Variants in DNASE1 observed in about 807,000 individuals in gnomAD.
The protein encoded by DNASE1 is deoxyribonuclease 1.
DNASE1 carries 40 observed loss-of-function variants against 33.9 expected under a neutral mutation model. That is an observed-to-expected ratio of 1.18 (90% CI 0.92 to 1.54). The LOEUF (loss-of-function observed/expected upper bound fraction) is 1.54, where lower values mean the gene tolerates loss of function less well. Among genes scored for constraint, DNASE1 ranks in the 40% most tolerant of loss-of-function variants. The pLI, the probability that DNASE1 is intolerant of heterozygous loss-of-function variation, is 0.00. For synonymous variants in DNASE1, 216 were observed against 160.0 expected, an observed-to-expected ratio of 1.35 and a Z score of -2.64; for missense variants, 518 against 372.6, an observed-to-expected ratio of 1.39 and a Z score of -3.21.
intron 1 of DNASE1, among the ~76,000 whole-genome samples, chr16:3,618,883 T>C (rs1203442447): frequency 6.6e-6 from 1 of 152,118 alleles, no homozygotes; most frequent in African/African-American, 2.4e-5. Context: ...AGTGACAAGG[T>C]CTCATTTCTG....
chr16:3,617,181 C>T (rs1202142656), intron 1 of DNASE1, among the ~76,000 whole-genome samples: 1 of 151,674 alleles, frequency 6.6e-6, no homozygotes, highest in African/African-American at 2.4e-5. Context: ...ACAAAATTAG[C>T]AGGGCGTGGT....
At chr16:3,641,040 C>G (rs1159705032), upstream of DNASE1, 3 of 398,188 alleles carry the variant, frequency 7.5e-6, no homozygotes, top group Admixed American at 1.3e-4. Flanking sequence ...CAGCACCAAG[C>G]TAGACTCATC....
At chr16:3,612,542 C>T (rs1267766854) in intron 1 of DNASE1, among the ~76,000 whole-genome samples, 1 of 138,012 alleles carries the variant, frequency 7.2e-6, no homozygotes, top group Admixed American at 7.7e-5. Context: ...TGAGCCACCG[C>T]TCACGGCTTT....
At chr16:3,663,418 G>A in exon 10 of DNASE1, 1 of 1,614,076 alleles carries the variant, frequency 6.2e-7, no homozygotes, top group Non-Finnish European at 8.5e-7. Flanking sequence ...AGCAGGGGAT[G>A]CCGACCTGGG....
upstream of DNASE1, chr16:3,653,575 G>A (rs111733271): frequency 0.022 from 3,327 of 152,084 alleles, 53 homozygotes; most frequent in Middle Eastern, 0.04. Context: ...TTGGGAGGCC[G>A]AGGCAGGCGG....
chr16:3,656,023 T>G, intron 3 of DNASE1, 79 bp from the exon 4 acceptor site: 1 of 1,610,074 alleles, frequency 6.2e-7, no homozygotes, highest in African/African-American at 1.3e-5. Flanking sequence ...GGTGGGGACC[T>G]GGGCACAGCC....
chr16:3,656,780 G>A, intron 5 of DNASE1, 27 bp downstream of exon 5: 2 of 1,577,156 alleles, frequency 1.3e-6, no homozygotes, highest in Non-Finnish European at 1.7e-6. Context: ...CCAGGGTGGG[G>A]CTCGGCTTGG....
Position 3,657,937 on chromosome 16 carries a change from A to C in DNASE1, c.833A>C (p.Glu278Ala), listed in dbSNP as rs566266065. ...AQAISDHYPV[E>A]VMLK ...GCCATCAGTGACCACTATCCAGTGG[A>C]GGTGATGCTGAAGTGAGCAGCCCCT... The change falls in exon 9 of 9, where the codon GAG becomes GCG. Residue 278 changes from glutamate (E) to alanine (A), a missense_variant. Physicochemically the swap from Glu to Ala is moderately radical, Grantham distance 107 (BLOSUM62 -1). Coordinates refer to ENST00000246949, the MANE Select transcript of DNASE1 (RefSeq NM_005223.4). 3 of 1,613,944 alleles carry C rather than the reference A, an allele frequency of 1.9e-6. No individual in the cohort carries two copies. In the South Asian group the frequency reaches 3.3e-5, roughly 18 times the overall value.
Position 3,617,326 on chromosome 16 carries a change from C to CAAAAAAAAAA in DNASE1, c.-1359+5338_-1359+5347dup, listed in dbSNP as rs56670885. 8.3e-4 allele frequency among the ~76,000 whole-genome samples: 48 copies of CAAAAAAAAAA among 57,702 alleles called. 1 individual carries two copies. The highest frequency in any genetic ancestry group is 2.0e-3 in the East Asian group (4 of 2,044). The allele number at this position is 57,702 out of a possible 152,430, so 37.9% of individuals were successfully genotyped here. On this transcript the variant is annotated intron_variant and NMD_transcript_variant, in intron 1 of 11. Transcript: ENST00000570769. ...AGTCAACAAGAGCGAAACTCCATCT[C>CAAAAAAAAAA]AAAAAAAAAAAAAAAAAAAAAAAAA... is the stretch of plus-strand genomic sequence containing the variant.
chr16:3,665,248 G>C (rs1158674353), exon 10 of DNASE1: 1 of 152,222 alleles, frequency 6.6e-6, no homozygotes, highest in African/African-American at 2.4e-5. Context: ...GCCTCCTTGG[G>C]ACCCCACACA....
intron 1 of DNASE1, among the ~76,000 whole-genome samples, chr16:3,643,742 A>AT (rs1414390404): frequency 6.6e-6 from 1 of 152,064 alleles, no homozygotes; most frequent in African/African-American, 2.4e-5. Flanking sequence ...CATCTGTTTT[A>AT]TTTTTTTATT....
At chr16:3,658,192 G>A (rs1059857), downstream of DNASE1, 86,600 of 1,613,652 alleles carry the variant, frequency 0.054, 3,442 homozygotes, top group African/African-American at 0.19. Context: ...CCCTAGGGTC[G>A]TCAACAAGTC....
exon 10 of DNASE1, chr16:3,664,316 C>T (rs1019782498): frequency 1.2e-6 from 2 of 1,611,866 alleles, no homozygotes; most frequent in Non-Finnish European, 1.7e-6. Flanking sequence ...AGGGTGAGTG[C>T]TCTGCCAGGT....
chr16:3,619,679 A>G (rs114510850), intron 1 of DNASE1, among the ~76,000 whole-genome samples: 2,599 of 151,496 alleles, frequency 0.017, 75 homozygotes, highest in African/African-American at 0.059. Context: ...GTAATTAAAA[A>G]AAAAATTTTT....
downstream of DNASE1, chr16:3,661,849 ATACAGCTCCT>A (rs1207517107): frequency 1.7e-6 from 2 of 1,185,484 alleles, no homozygotes; most frequent in Non-Finnish European, 2.3e-6. Flanking sequence ...CCTAAACTGC[ATACAGCTCCT>A]TATAGTTACC....
At chr16:3,624,258 G>T (rs1596565699) in intron 1 of DNASE1, among the ~76,000 whole-genome samples, 2 of 148,030 alleles carry the variant, frequency 1.4e-5, no homozygotes, top group Non-Finnish European at 3.0e-5. Context: ...GACAGAGTGA[G>T]ACTCTGTCTC....
downstream of DNASE1, chr16:3,658,159 C>T (rs1596665315): frequency 1.9e-6 from 3 of 1,613,976 alleles, no homozygotes; most frequent in East Asian, 6.7e-5. Flanking sequence ...TGACAAGCAG[C>T]TCATTCAAGC....
intron 1 of DNASE1, among the ~76,000 whole-genome samples, chr16:3,637,058 AG>A (rs1449797642): frequency 6.6e-6 from 1 of 152,132 alleles, no homozygotes; most frequent in East Asian, 1.9e-4. Context: ...CAGGAGGCAG[AG>A]GTTGCAGTCA....
rs139146093 is a variant in DNASE1, at chr16:3,623,676, G to A, written c.-1359+11670G>A. On this transcript the variant is annotated intron_variant and NMD_transcript_variant, in intron 1 of 11. Coordinates refer to the DNASE1 transcript ENST00000570769. ...AGGCTGGGCGTGGTGGCTAACACCT[G>A]TAATCCCAGGACTTTGGGATGCTGA... is the stretch of plus-strand genomic sequence containing the variant. 4.0e-3 allele frequency among the ~76,000 whole-genome samples: 607 copies of A among 152,298 alleles called. 3 individuals carry two copies. The highest frequency in any genetic ancestry group is 0.013 in the African/African-American group (561 of 41,556).
Sources: allele counts gnomAD v4.1 joint callset (sites outside exome capture counted in the v4.1 genomes callset), GRCh38; gene constraint gnomAD v4.1.1; transcripts MANE v1.5; gene names NCBI Gene and HGNC (gene_info 2026-07-23, HGNC 2026-07-21).